KCND3: variants seen among roughly 807,000 people sequenced by gnomAD.
KCND3 encodes potassium voltage-gated channel subfamily D member 3.
A neutral mutation model predicts 51.1 loss-of-function variants in KCND3; 9 were observed. The ratio of observed to expected loss-of-function variants is 0.18; its 90% CI spans 0.11 to 0.31. KCND3 has a LOEUF of 0.31. Among genes scored for constraint, KCND3 ranks in the 10% least tolerant of loss-of-function variants. The pLI is 1.00. For synonymous variants in KCND3, 349 were observed against 368.0 expected (o/e 0.95, Z 0.59); for missense variants, 526 against 903.8 (o/e 0.58, Z 5.36).
intron 2 of KCND3, among the ~76,000 whole-genome samples, chr1:111,857,199 G>A (rs1668114764): frequency 6.6e-6 from 1 of 152,228 alleles, no homozygotes; most frequent in Non-Finnish European, 1.5e-5. Flanking sequence ...AAGCCTCACA[G>A]CAGCCCTGTA....
intron 2 of KCND3, among the ~76,000 whole-genome samples, chr1:111,832,934 G>A (rs917192195): frequency 5.3e-5 from 8 of 152,160 alleles, no homozygotes; most frequent in African/African-American, 1.9e-4. Context: ...ACATCATACT[G>A]GGTCCAGGAG....
intron 3 of KCND3, among the ~76,000 whole-genome samples, chr1:111,782,344 G>A (rs958203074): frequency 2.6e-5 from 4 of 152,104 alleles, no homozygotes; most frequent in Non-Finnish European, 5.9e-5. Flanking sequence ...ACTTGAGCCT[G>A]AAAGATCTTC....
chr1:111,780,297 C>T lies in KCND3; in HGVS notation c.1389G>A (p.Glu463=), dbSNP rs1287381814. 4 of 1,575,718 alleles carry T rather than the reference C, an allele frequency of 2.5e-6. No individual in the cohort carries two copies. The highest frequency in any genetic ancestry group is 1.2e-5 in the South Asian group (1 of 85,700). The stretch of plus-strand genomic sequence containing the variant: ...TGAGTGAGGTGGTCTTGCCCATGTG[C>T]TCCTCTTCTGGGGTGCCCTAGTAAA... The part of the protein sequence containing the change: ...ALELTGTPEE[E]HMGKTTSLIE... Residue 463 remains glutamate (E), a synonymous_variant, in exon 5 of 8, where the codon GAG becomes GAA. Coordinates refer to ENST00000302127, the MANE Select transcript of KCND3 (RefSeq NM_001378969.1). The surrounding 1 kb of genome is among the most constrained non-coding windows in gnomAD (Gnocchi z 4.2).
intron 2 of KCND3, among the ~76,000 whole-genome samples, chr1:111,808,243 G>C (rs1388292876): frequency 6.6e-6 from 1 of 152,184 alleles, no homozygotes. Flanking sequence ...AAAAAACACT[G>C]CTCTTTCAGA....
chr1:111,778,565 G>A (rs1465172739), intron 5 of KCND3, 73 bp from the exon 6 acceptor site: 28 of 1,408,054 alleles, frequency 2.0e-5, no homozygotes, highest in Non-Finnish European at 2.8e-5. Context: ...AGCCAGTTTT[G>A]ACATTCAATC....
In KCND3 at chr1:111,770,791, A is replaced by G. The variant is rs1025827250; in HGVS notation, c.*5286T>C. The G allele has an allele frequency of 1.4e-5, 2 of 142,068 alleles. No individual in the cohort carries two copies. The highest frequency in any genetic ancestry group is 2.8e-5 in the African/African-American group (1 of 35,354). The allele number at this position is 142,068 out of a possible 1,614,324, so 8.8% of individuals were successfully genotyped here. Reference sequence around the variant, plus strand: ...TGCACTACAGTTTCAAAAGAAGACGACAGGAAACTCAAGGGTGTTTTTTTT... The same window carrying G: ...TGCACTACAGTTTCAAAAGAAGACGGCAGGAAACTCAAGGGTGTTTTTTTT... On this transcript the variant is annotated 3_prime_UTR_variant, in exon 8 of 8. Coordinates refer to ENST00000302127, the MANE Select transcript of KCND3 (RefSeq NM_001378969.1).
intron 2 of KCND3, among the ~76,000 whole-genome samples, chr1:111,797,425 C>T (rs1665105084): frequency 6.6e-6 from 1 of 152,136 alleles, no homozygotes; most frequent in African/African-American, 2.4e-5. Flanking sequence ...AGTACTTTCC[C>T]CCCCATCCTC....
chr1:111,908,065 A>G (rs919146301), intron 2 of KCND3, among the ~76,000 whole-genome samples: 1 of 152,224 alleles, frequency 6.6e-6, no homozygotes, highest in Non-Finnish European at 1.5e-5. Context: ...TGCCGACATA[A>G]CAGCTTTACT....
At chr1:111,979,873 A>G (rs1008518428) in intron 2 of KCND3, among the ~76,000 whole-genome samples, 1 of 152,162 alleles carries the variant, frequency 6.6e-6, no homozygotes, top group Non-Finnish European at 1.5e-5. Context: ...TTTCCTCCAC[A>G]TGGCTATCCT....
intron 2 of KCND3, among the ~76,000 whole-genome samples, chr1:111,903,266 C>T (rs1188024351): frequency 6.6e-6 from 1 of 152,232 alleles, no homozygotes; most frequent in Non-Finnish European, 1.5e-5. Flanking sequence ...TGCCTACTTA[C>T]TATCTCCAGG....
intron 2 of KCND3, among the ~76,000 whole-genome samples, chr1:111,862,389 G>A (rs548740043): frequency 6.6e-6 from 1 of 152,244 alleles, no homozygotes; most frequent in African/African-American, 2.4e-5. Flanking sequence ...ATGGCCATGG[G>A]CCGAATGCTA....
chr1:111,814,297 C>T lies in KCND3; in HGVS notation c.1107-27191G>A, dbSNP rs75930465. On this transcript the variant is annotated intron_variant, in intron 2 of 7. Coordinates refer to ENST00000302127, the MANE Select transcript of KCND3 (RefSeq NM_001378969.1). ...TAAACGGAGAAATCACAAGGCAGCACGGGGAGCTCTGTAACATGCACAGCA... is the reference window on the plus strand; with the variant it reads ...TAAACGGAGAAATCACAAGGCAGCATGGGGAGCTCTGTAACATGCACAGCA... Among the ~76,000 whole-genome samples the T allele has an allele frequency of 3.5e-3, 538 of 152,280 alleles. 1 individual carries two copies. The highest frequency in any genetic ancestry group is 0.012 in the African/African-American group (503 of 41,554).
intron 2 of KCND3, among the ~76,000 whole-genome samples, chr1:111,793,590 C>T (rs1326074528): frequency 6.6e-6 from 1 of 152,194 alleles, no homozygotes; most frequent in Non-Finnish European, 1.5e-5. Context: ...AATGTTGTTG[C>T]AAAGACTACA....
chr1:111,842,661 C>A (rs909307264), intron 2 of KCND3, among the ~76,000 whole-genome samples: 2 of 152,174 alleles, frequency 1.3e-5, no homozygotes, highest in Non-Finnish European at 2.9e-5. Context: ...GCGTGAGTGG[C>A]CCCCACCTCC....
At chr1:111,922,310 T>A (rs966286971) in intron 2 of KCND3, among the ~76,000 whole-genome samples, 3 of 152,212 alleles carry the variant, frequency 2.0e-5, no homozygotes, top group Non-Finnish European at 4.4e-5. Context: ...TAAGTGGTTT[T>A]CAATTTGTGT....
intron 2 of KCND3, among the ~76,000 whole-genome samples, chr1:111,886,982 C>T (rs1290621715): frequency 6.6e-6 from 1 of 152,128 alleles, no homozygotes; most frequent in Non-Finnish European, 1.5e-5. Flanking sequence ...TCATGCTTAC[C>T]ACACTGTAGT....
intron 2 of KCND3, among the ~76,000 whole-genome samples, chr1:111,833,905 G>A (rs1055799564): frequency 2.0e-5 from 3 of 152,206 alleles, no homozygotes; most frequent in Non-Finnish European, 4.4e-5. Flanking sequence ...TGGGCCTGAA[G>A]GGGACTTATT....
At chr1:111,779,343 AT>A (rs1664272697) in intron 5 of KCND3, among the ~76,000 whole-genome samples, 1 of 152,148 alleles carries the variant, frequency 6.6e-6, no homozygotes, top group East Asian at 1.9e-4. Context: ...GTCATCTAAC[AT>A]TTATTCTCTC....
chr1:111,814,665 C>T (rs1246617951), intron 2 of KCND3, among the ~76,000 whole-genome samples: 2 of 152,214 alleles, frequency 1.3e-5, no homozygotes, highest in African/African-American at 4.8e-5. Context: ...AAAGAAACCC[C>T]TATTGCTGGT....
Sources: gnomAD v4.1 joint callset for allele counts (sites outside exome capture counted in the v4.1 genomes callset) on GRCh38, gnomAD v4.1.1 for gene constraint, Gnocchi (gnomAD v3.1) non-coding constraint, MANE v1.5 for transcripts, NCBI Gene and HGNC (gene_info 2026-07-23, HGNC 2026-07-21) for gene names.